The following ATP6V1C2 variants were observed in gnomAD, a reference collection of about 807,000 sequenced individuals.
ATP6V1C2 encodes the protein ATPase H+ transporting V1 subunit C2.
A neutral mutation model predicts 56.8 loss-of-function variants in ATP6V1C2; 45 were observed. The observed-to-expected ratio is 0.79, with a 90% confidence interval of 0.62 to 1.02. The LOEUF is 1.02. Among genes scored for constraint, ATP6V1C2 ranks in the 50% least tolerant of loss-of-function variants. ATP6V1C2 has a pLI of 0.00. For missense variants in ATP6V1C2, 463 were observed against 519.7 expected (o/e 0.89, Z 1.06); for synonymous variants, 220 against 201.3 (o/e 1.09, Z -0.79).
chr2:10,733,797 CCGTTGCTTGCCCCTAAGTGCTTCCCCTGT>C (rs1232597148), intron 3 of ATP6V1C2, among the ~76,000 whole-genome samples: 12 of 73,252 alleles, frequency 1.6e-4, no homozygotes, highest in African/African-American at 4.8e-4. Flanking sequence ...TGCTTGGTGA[CCGTTGCTTGCCCCTAAGTGCTTCCCCTGT>C]CGTTGCTTGC....
chr2:10,760,160 G>A (rs1310356633), intron 4 of ATP6V1C2, among the ~76,000 whole-genome samples: 1 of 151,936 alleles, frequency 6.6e-6, no homozygotes, highest in Non-Finnish European at 1.5e-5. Flanking sequence ...ATCACCTGAG[G>A]TCAGGAGTTC....
chr2:10,758,255 G>T (rs995093238), intron 4 of ATP6V1C2, among the ~76,000 whole-genome samples: 1 of 152,182 alleles, frequency 6.6e-6, no homozygotes. Flanking sequence ...TGATCAAAGT[G>T]CTTATGTTTT....
At chr2:10,775,246 C>T (rs1664888238) in intron 10 of ATP6V1C2, among the ~76,000 whole-genome samples, 175 bp downstream of exon 10, 1 of 152,144 alleles carries the variant, frequency 6.6e-6, no homozygotes, top group South Asian at 2.1e-4. Flanking sequence ...GGGGGAGGGG[C>T]GGTGAGCACA....
intron 1 of ATP6V1C2, among the ~76,000 whole-genome samples, chr2:10,722,120 C>T (rs1185848191): frequency 1.3e-5 from 2 of 152,062 alleles, no homozygotes; most frequent in Non-Finnish European, 2.9e-5. Flanking sequence ...GGGAACCTGG[C>T]CGAGGGGGAA....
chr2:10,758,010 G>A (rs1663656119), intron 4 of ATP6V1C2, among the ~76,000 whole-genome samples: 1 of 152,184 alleles, frequency 6.6e-6, no homozygotes, highest in African/African-American at 2.4e-5. Flanking sequence ...AATCATTTTA[G>A]GTTGCATAAG....
At chr2:10,728,893 C>T (rs1661799726) in intron 3 of ATP6V1C2, among the ~76,000 whole-genome samples, 1 of 148,364 alleles carries the variant, frequency 6.7e-6, no homozygotes, top group Non-Finnish European at 1.5e-5. Context: ...AATCTCAGGA[C>T]TTCGGGAGGC....
rs1664034403 is a variant in ATP6V1C2, at chr2:10,763,369, A to G, written c.284-962A>G. ...CGCCAGCTCTTTGTCCTCCCTTAGC[A>G]CTCTAGGCGGTTATCACTGGGCCCC... On this transcript the variant is annotated intron_variant, in intron 4 of 13. Transcript: ENST00000272238. This position sits in a 1 kb window ranked among gnomAD's most constrained non-coding sequence, Gnocchi z 4.2. Among the ~76,000 whole-genome samples the G allele has an allele frequency of 6.6e-6, 1 of 150,844 alleles. No homozygotes were observed. Among genetic ancestry groups the G allele is most frequent in the Non-Finnish European group, 1.5e-5 (1 of 67,696 alleles).
intron 4 of ATP6V1C2, among the ~76,000 whole-genome samples, chr2:10,760,135 G>T (rs574788980): frequency 6.6e-6 from 1 of 151,906 alleles, no homozygotes; most frequent in South Asian, 2.1e-4. Flanking sequence ...CACTCTGGGA[G>T]GCCGAGGCGG....
intron 5 of ATP6V1C2, among the ~76,000 whole-genome samples, chr2:10,766,990 A>G (rs1411144320): frequency 6.6e-6 from 1 of 152,128 alleles, no homozygotes; most frequent in African/African-American, 2.4e-5. Context: ...TATTTTTGCA[A>G]CGTCCTGTGA....
At chr2:10,722,658 C>A in intron 1 of ATP6V1C2, 166 bp from the exon 2 acceptor site, 1 of 709,008 alleles carries the variant, frequency 1.4e-6, no homozygotes, top group Non-Finnish European at 2.3e-6. Flanking sequence ...TCGGGAACAC[C>A]TGAGGGCTGC....
intron 3 of ATP6V1C2, among the ~76,000 whole-genome samples, chr2:10,738,611 C>T (rs1040721991): frequency 4.6e-5 from 7 of 152,166 alleles, no homozygotes; most frequent in South Asian, 2.1e-4. Flanking sequence ...TCATCGCAGC[C>T]CCAGTAAATG....
chr2:10,775,418 G>C (rs1664900651), intron 10 of ATP6V1C2, among the ~76,000 whole-genome samples: 1 of 152,218 alleles, frequency 6.6e-6, no homozygotes, highest in Non-Finnish European at 1.5e-5. Flanking sequence ...GCTGGCCAGA[G>C]GACCCTGCCA....
chr2:10,754,883 G>T (rs1663448796), intron 4 of ATP6V1C2, among the ~76,000 whole-genome samples: 1 of 151,864 alleles, frequency 6.6e-6, no homozygotes. Context: ...GGCCTATTAT[G>T]ATTATTTTCT....
chr2:10,748,174 G>A (rs761748015), intron 3 of ATP6V1C2, among the ~76,000 whole-genome samples: 3 of 152,188 alleles, frequency 2.0e-5, no homozygotes, highest in Admixed American at 6.5e-5. Context: ...GGGATTACAG[G>A]TGTGAGCCAC....
In ATP6V1C2 at chr2:10,761,315, T is replaced by C. The variant is rs554111584; in HGVS notation, c.284-3016T>C. The stretch of plus-strand genomic sequence containing the variant: ...TGCCTTGAGACTGGTTCCCAGCTTG[T>C]GGGATGGCTCTGGGCCCATGGTGGG... On this transcript the variant is annotated intron_variant, in intron 4 of 13. Transcript: ENST00000272238. 7.1e-4 allele frequency among the ~76,000 whole-genome samples: 108 copies of C among 152,106 alleles called. 1 individual carries two copies. Among genetic ancestry groups the C allele is most frequent in the Admixed American group, 6.9e-3 (106 of 15,276 alleles).
rs1162082046 is a variant in ATP6V1C2 at position 10,721,705 on chromosome 2, G to GCGCGGCC, written c.-48_-42dup. ...CGCCCGTCGCCCGCAGCCCCCTACCGCGCGGCCCGCGCCCCGCCGGCTCCC... is the reference window on the plus strand; with the variant it reads ...CGCCCGTCGCCCGCAGCCCCCTACCGCGCGGCCCGCGGCCCGCGCCCCGCCGGCTCCC... On this transcript the variant is annotated 5_prime_UTR_variant, in exon 1 of 14. Coordinates refer to ENST00000272238, the MANE Select transcript of ATP6V1C2 (RefSeq NM_001039362.2). 6.6e-6 allele frequency: 1 copy of GCGCGGCC among 151,744 alleles called. No individual in the cohort carries two copies. The highest frequency in any genetic ancestry group is 1.9e-4 in the East Asian group (1 of 5,140). The allele number at this position is 151,744 out of a possible 1,614,324, so 9.4% of individuals were successfully genotyped here.
chr2:10,768,464 G>A (rs948906932), intron 5 of ATP6V1C2, among the ~76,000 whole-genome samples: 3 of 152,236 alleles, frequency 2.0e-5, no homozygotes, highest in African/African-American at 4.8e-5. Context: ...TGTCCCGACC[G>A]TTCAGGATGG....
intron 11 of ATP6V1C2, 87 bp from the exon 12 acceptor site, chr2:10,778,485 C>G (rs977164867): frequency 1.6e-6 from 2 of 1,217,030 alleles, no homozygotes; most frequent in Non-Finnish European, 2.4e-6. Flanking sequence ...CAGCTCAGGG[C>G]GTGCTCTGTC....
chr2:10,731,499 GAC>G (rs1661950345), intron 3 of ATP6V1C2, among the ~76,000 whole-genome samples: 1 of 152,186 alleles, frequency 6.6e-6, no homozygotes, highest in African/African-American at 2.4e-5. Context: ...TAGCTGAGAA[GAC>G]ACATATTAAT....
Sources: gnomAD v4.1 joint callset for allele counts (sites outside exome capture counted in the v4.1 genomes callset) on GRCh38, gnomAD v4.1.1 for gene constraint, Gnocchi (gnomAD v3.1) non-coding constraint, MANE v1.5 for transcripts, NCBI Gene and HGNC (gene_info 2026-07-23, HGNC 2026-07-21) for gene names.